Variants in VIPR2 observed in about 807,000 individuals in gnomAD.
The protein encoded by VIPR2 is vasoactive intestinal polypeptide receptor 2.
In VIPR2, 48 loss-of-function variants were observed where a neutral mutation model predicts 58.0. That is an observed-to-expected ratio of 0.83 (90% CI 0.66 to 1.05). VIPR2 has a LOEUF of 1.05. Ranked by LOEUF, VIPR2 falls within the 50% of genes least tolerant of loss-of-function variation. The pLI is 0.00. For synonymous variants in VIPR2, 243 were observed against 235.2 expected, an observed-to-expected ratio of 1.03 and a Z score of -0.30; for missense variants, 534 against 558.0, an observed-to-expected ratio of 0.96 and a Z score of 0.43.
intron 8 of VIPR2, chr7:159,035,638 G>T (rs1175011793): frequency 1.0e-6 from 1 of 965,222 alleles, no homozygotes; most frequent in South Asian, 4.8e-5. Flanking sequence ...CAACATGCAG[G>T]GCACTTGGCT....
chr7:159,117,483 C>T, intron 2 of VIPR2: 1 of 707,442 alleles, frequency 1.4e-6, no homozygotes, highest in South Asian at 1.5e-5. Context: ...GACGTCATCT[C>T]AGAGGTGGGG....
chr7:159,074,002 C>T (rs1419284320), intron 4 of VIPR2, among the ~76,000 whole-genome samples: 1 of 152,218 alleles, frequency 6.6e-6, no homozygotes, highest in African/African-American at 2.4e-5. Context: ...GCAATGTCCA[C>T]TCCTGCTTCT....
chr7:159,142,395 T>C (rs770509080), intron 2 of VIPR2, 51 bp downstream of exon 2: 1 of 1,424,598 alleles, frequency 7.0e-7, no homozygotes, highest in Non-Finnish European at 9.9e-7. Flanking sequence ...TGAGGCGCAT[T>C]CCCGGGTGAG....
At chr7:159,123,216 C>A (rs929353337) in intron 2 of VIPR2, among the ~76,000 whole-genome samples, 5 of 143,854 alleles carry the variant, frequency 3.5e-5, no homozygotes, top group African/African-American at 1.3e-4. Context: ...TCGCTTCAAC[C>A]CAGGAGGCAG....
At chr7:159,084,274 C>T (rs925786935) in intron 4 of VIPR2, among the ~76,000 whole-genome samples, 13 of 152,158 alleles carry the variant, frequency 8.5e-5, no homozygotes, top group South Asian at 2.1e-4. Flanking sequence ...GAGGTGTGGG[C>T]GGGAGGATGA....
At position 159,096,893 on chromosome 7, in the gene VIPR2, T is replaced by G. The variant is rs760860062; in HGVS notation, c.357+6864A>C. On this transcript the variant is annotated intron_variant, in intron 4 of 12. Coordinates refer to ENST00000262178, the MANE Select transcript of VIPR2 (RefSeq NM_003382.5). This position sits in a 1 kb window ranked among gnomAD's most constrained non-coding sequence, Gnocchi z 5.5. ...TGAGACCACCCTCTCTGTGGCCGCC[T>G]TGCTGTCCCCGTTCCCATCACTCGA... The G allele has an allele frequency of 7.1e-6, 11 of 1,549,548 alleles. No homozygotes were observed. Among genetic ancestry groups the G allele is most frequent in the Non-Finnish European group, 9.6e-6 (11 of 1,146,446 alleles).
At chr7:159,132,876 G>A (rs1251324159) in intron 2 of VIPR2, among the ~76,000 whole-genome samples, 1 of 120,040 alleles carries the variant, frequency 8.3e-6, no homozygotes, top group African/African-American at 2.8e-5. Flanking sequence ...CAGAATGATT[G>A]GCATACAGAT....
At position 159,093,568 on chromosome 7, in the gene VIPR2, T is replaced by C. The variant is rs1857623098; in HGVS notation, c.357+10189A>G. 6.6e-6 allele frequency among the ~76,000 whole-genome samples: 1 copy of C among 152,188 alleles called. No homozygotes were observed. The highest frequency in any genetic ancestry group is 6.5e-5 in the Admixed American group (1 of 15,288). ...TGAAAACTCCCCTGGAGTCTGTCAG[T>C]GCAGAGCAGCGCTGGGCTCAGGATC... On this transcript the variant is annotated intron_variant, in intron 4 of 12. Transcript: ENST00000262178. The surrounding 1 kb of genome is among the most constrained non-coding windows in gnomAD (Gnocchi z 6.7).
intron 2 of VIPR2, among the ~76,000 whole-genome samples, chr7:159,120,215 G>C (rs953656399): frequency 1.3e-5 from 2 of 152,186 alleles, no homozygotes; most frequent in Admixed American, 6.5e-5. Flanking sequence ...AAAATTTCGT[G>C]TTTTTCTCAC....
At chr7:159,109,413 C>G (rs1051878027) in intron 3 of VIPR2, among the ~76,000 whole-genome samples, 6 of 152,182 alleles carry the variant, frequency 3.9e-5, no homozygotes, top group African/African-American at 1.4e-4. Context: ...AGCATGGAGG[C>G]TCTGGGTGCC....
chr7:159,135,697 C>A (rs1797189000), intron 2 of VIPR2, among the ~76,000 whole-genome samples: 2 of 151,980 alleles, frequency 1.3e-5, no homozygotes. Flanking sequence ...GTGACAGGCG[C>A]CTGTAATCCC....
chr7:159,063,916 GAT>G (rs1855917160), intron 4 of VIPR2, among the ~76,000 whole-genome samples: 6 of 133,772 alleles, frequency 4.5e-5, no homozygotes, highest in Admixed American at 1.5e-4. Flanking sequence ...TTCCTGGAGG[GAT>G]GTGGGGTCCT....
chr7:159,104,546 A>ACGCCCTCCCTCCTCC (rs1391255279), intron 3 of VIPR2, among the ~76,000 whole-genome samples: 3 of 101,908 alleles, frequency 2.9e-5, no homozygotes, highest in African/African-American at 1.1e-4. Flanking sequence ...CCTCCCAGCA[A>ACGCCCTCCCTCCTCC]TGCCCTCCCT....
intron 2 of VIPR2, among the ~76,000 whole-genome samples, chr7:159,130,758 C>T (rs907750943): frequency 5.3e-5 from 8 of 152,196 alleles, no homozygotes; most frequent in South Asian, 4.1e-4. Flanking sequence ...GTATTGATTT[C>T]GTTTGTGCCA....
intron 2 of VIPR2, among the ~76,000 whole-genome samples, chr7:159,141,509 T>C (rs1033235536): frequency 9.2e-5 from 14 of 152,236 alleles, no homozygotes; most frequent in African/African-American, 3.1e-4. Flanking sequence ...GGGCCCAAAC[T>C]GTGTCGTGCT....
intron 5 of VIPR2, among the ~76,000 whole-genome samples, chr7:159,045,927 A>G (rs1052527925): frequency 1.2e-4 from 11 of 88,018 alleles, no homozygotes; most frequent in East Asian, 1.2e-3. Flanking sequence ...AATGACAAAA[A>G]CCCAATTAGA....
chr7:159,034,118 T>C (rs956264711), intron 10 of VIPR2, 95 bp downstream of exon 10: 1 of 1,216,704 alleles, frequency 8.2e-7, no homozygotes, highest in African/African-American at 1.5e-5. Flanking sequence ...GGAGGCGGAG[T>C]CGCCGCACCT....
At chr7:159,141,796 C>G (rs1364625035) in intron 2 of VIPR2, among the ~76,000 whole-genome samples, 4 of 152,172 alleles carry the variant, frequency 2.6e-5, no homozygotes, top group Non-Finnish European at 5.9e-5. Context: ...TAATTTCTTT[C>G]TTGAAGAGGA....
chr7:159,137,447 A>G (rs1224390474), intron 2 of VIPR2, among the ~76,000 whole-genome samples: 1 of 152,160 alleles, frequency 6.6e-6, no homozygotes, highest in African/African-American at 2.4e-5. Context: ...TGGTGCCATC[A>G]TGGCTCACTG....
Sources: allele counts gnomAD v4.1 joint callset (sites outside exome capture counted in the v4.1 genomes callset), GRCh38; gene constraint gnomAD v4.1.1; non-coding constraint Gnocchi (gnomAD v3.1); transcripts MANE v1.5; gene names NCBI Gene and HGNC (gene_info 2026-07-23, HGNC 2026-07-21).